The following CEACAM4 variants were observed in gnomAD, a reference collection of about 807,000 sequenced individuals.
The protein encoded by CEACAM4 is CEA cell adhesion molecule 4.
A neutral mutation model predicts 28.7 loss-of-function variants in CEACAM4; 30 were observed. That is an observed-to-expected ratio of 1.05 (90% CI 0.78 to 1.42). The LOEUF is 1.42. Ranked by LOEUF, CEACAM4 falls within the 40% of genes most tolerant of loss-of-function variation. CEACAM4 has a pLI of 0.00. For synonymous variants in CEACAM4, 143 were observed against 126.5 expected (o/e 1.13, Z -0.87); for missense variants, 330 against 308.2 (o/e 1.07, Z -0.53).
intron 2 of CEACAM4, among the ~76,000 whole-genome samples, chr19:41,622,955 G>A (rs1007464062): frequency 4.6e-5 from 7 of 152,084 alleles, no homozygotes; most frequent in Non-Finnish European, 8.8e-5. Flanking sequence ...CACAGCATCC[G>A]TCTGTTCTGC....
At chr19:41,618,786 G>A (rs989419285), downstream of CEACAM4, among the ~76,000 whole-genome samples, 12 of 152,204 alleles carry the variant, frequency 7.9e-5, no homozygotes, top group African/African-American at 2.9e-4. Context: ...CTGGGGTAGT[G>A]TGAGGACAGC....
At chr19:41,620,857 G>A (rs2071238830) in intron 3 of CEACAM4, among the ~76,000 whole-genome samples, 1 of 151,938 alleles carries the variant, frequency 6.6e-6, no homozygotes, top group South Asian at 2.1e-4. Flanking sequence ...GCCGGGTGAG[G>A]AGAACATTGA....
downstream of CEACAM4, among the ~76,000 whole-genome samples, chr19:41,614,987 A>G (rs1555798650): frequency 1.3e-5 from 2 of 150,922 alleles, no homozygotes; most frequent in Admixed American, 1.3e-4. Flanking sequence ...GGGGAAGGGG[A>G]AGGGAAAGTT....
At chr19:41,615,499 A>G (rs1568638226), downstream of CEACAM4, among the ~76,000 whole-genome samples, 2 of 152,074 alleles carry the variant, frequency 1.3e-5, no homozygotes, top group Admixed American at 1.3e-4. Flanking sequence ...TTTTCTTAAA[A>G]TGTACATGGC....
Position 41,627,049 on chromosome 19 carries a change from G to T in CEACAM4, c.-86C>A, listed in dbSNP as rs370913347. 4.1e-6 allele frequency: 5 copies of T among 1,223,896 alleles called. No individual in the cohort carries two copies. Among genetic ancestry groups the T allele is most frequent in the Non-Finnish European group, 4.5e-6 (4 of 880,120 alleles). 75.8% of individuals were successfully genotyped at this position (1,223,896 alleles called of 1,614,324 possible). ...AGAGCTGCTGTGACTGTCGGCTGTC[G>T]GGGCTGCTGACCTTCCTCCTTCTGT... On this transcript the variant is annotated 5_prime_UTR_variant, in exon 1 of 7. Transcript: ENST00000221954.
At chr19:41,616,487 TGATAGATAGATA>T (rs35437530), downstream of CEACAM4, among the ~76,000 whole-genome samples, 48,184 of 146,320 alleles carry the variant, frequency 0.33, 7,980 homozygotes, top group Middle Eastern at 0.36. Context: ...TATAGATAGA[TGATAGATAGATA>T]GATAGATAGA....
At chr19:41,623,048 G>A (rs2071405248) in intron 2 of CEACAM4, among the ~76,000 whole-genome samples, 1 of 152,120 alleles carries the variant, frequency 6.6e-6, no homozygotes, top group Admixed American at 6.6e-5. Flanking sequence ...ATGGAATCTC[G>A]CTCTGTTGCC....
At chr19:41,613,714 G>A in the CEACAM4 span, among the ~76,000 whole-genome samples, 1 of 152,182 alleles carries the variant, frequency 6.6e-6, no homozygotes, top group Non-Finnish European at 1.5e-5. Context: ...GCAGCAGGCA[G>A]GGTGTGGGGT....
downstream of CEACAM4, among the ~76,000 whole-genome samples, chr19:41,616,116 G>T (rs2070979401): frequency 6.6e-6 from 1 of 152,138 alleles, no homozygotes; most frequent in South Asian, 2.1e-4. Context: ...TGCAACTTGT[G>T]TCTCCCAGGT....
At chr19:41,615,566 A>G (rs537960425), downstream of CEACAM4, among the ~76,000 whole-genome samples, 30 of 152,214 alleles carry the variant, frequency 2.0e-4, no homozygotes, top group Non-Finnish European at 3.8e-4. Flanking sequence ...AGAGGGTTGC[A>G]TGGAGCTGAG....
chr19:41,624,957 C>T (rs1250072069), intron 2 of CEACAM4, among the ~76,000 whole-genome samples: 1 of 152,328 alleles, frequency 6.6e-6, no homozygotes, highest in East Asian at 1.9e-4. Context: ...TCTGTTCCTA[C>T]CCCTGGGCCA....
Position 41,619,263 on chromosome 19 carries a change from C to T in CEACAM4, c.*67G>A. 1 of 1,334,800 alleles carries T rather than the reference C, an allele frequency of 7.5e-7. No individual in the cohort carries two copies. The highest frequency in any genetic ancestry group is 1.1e-6 in the Non-Finnish European group (1 of 927,784). 82.7% of individuals were successfully genotyped at this position (1,334,800 alleles called of 1,614,324 possible). On this transcript the variant is annotated 3_prime_UTR_variant, in exon 7 of 7. Transcript: ENST00000221954. ...TCTCTGGCTCAGGCTCCATGTCCTT[C>T]CCCGTCCCCAGGGCTGGGAGCTTCG...
chr19:41,621,883 A>C, intron 2 of CEACAM4, 115 bp from the exon 3 acceptor site: 1 of 692,946 alleles, frequency 1.4e-6, no homozygotes, highest in Non-Finnish European at 2.6e-6. Context: ...CCAGAGCCTG[A>C]GTGTGGTCTG....
At chr19:41,619,524 C>G in intron 6 of CEACAM4, 129 bp from the exon 7 acceptor site, 1 of 1,551,042 alleles carries the variant, frequency 6.4e-7, no homozygotes, top group Non-Finnish European at 8.7e-7. Flanking sequence ...GGTCCCTGTT[C>G]CCAGGCCCCT....
At chr19:41,618,404 T>C (rs1308940774), downstream of CEACAM4, among the ~76,000 whole-genome samples, 1 of 152,142 alleles carries the variant, frequency 6.6e-6, no homozygotes, top group Non-Finnish European at 1.5e-5. Flanking sequence ...TATGCGTCTG[T>C]ATTAATCTTG....
chr19:41,625,514 G>T lies in CEACAM4; in HGVS notation c.424+87C>A. ...CAACACGGGACAAAATGCAGAGGGG[G>T]ATGCAGGCACAGCCCAGGCCTGACA... On this transcript the variant is annotated intron_variant, in intron 2 of 6. Coordinates refer to ENST00000221954, the MANE Select transcript of CEACAM4 (RefSeq NM_001817.4). The T allele has an allele frequency of 4.1e-6, 6 of 1,451,868 alleles. No individual in the cohort carries two copies. In the South Asian group the frequency reaches 6.7e-5, roughly 16 times the overall value. The allele number at this position is 1,451,868 out of a possible 1,614,324, so 89.9% of individuals were successfully genotyped here.
rs76959826 is a variant in CEACAM4 at position 41,620,129 on chromosome 19, C to T, written c.627+82G>A. ...TGGGGAAAGGTGGGTCAGTGCTGTG[C>T]TGTGGGGTTGATGGTCCCCCTGCCC... is the stretch of plus-strand genomic sequence containing the variant. On this transcript the variant is annotated intron_variant, in intron 5 of 6. Transcript: ENST00000221954. 436 of 1,253,498 alleles carry T rather than the reference C, an allele frequency of 3.5e-4. No individual in the cohort carries two copies. The East Asian group carries it at 0.011, about 32-fold the overall frequency. The allele number at this position is 1,253,498 out of a possible 1,614,324, so 77.6% of individuals were successfully genotyped here.
In CEACAM4 at chr19:41,626,889, C is replaced by T. The variant is rs782013548; in HGVS notation, c.64+11G>A. 1.2e-6 allele frequency: 2 copies of T among 1,610,980 alleles called. No individual in the cohort carries two copies. The highest frequency in any genetic ancestry group is 2.2e-5 in the East Asian group (1 of 44,498). ...CCTCTTCCCACCACTCCCAGAGAGT[C>T]CTCCCCTCACCTGTGATCAGGAGCC... On this transcript the variant is annotated intron_variant, in intron 1 of 6. Transcript: ENST00000221954.
intron 5 of CEACAM4, 146 bp downstream of exon 5, chr19:41,620,065 G>T (rs942577088): frequency 5.4e-6 from 4 of 744,474 alleles, no homozygotes; most frequent in Non-Finnish European, 8.3e-6. Flanking sequence ...AGAGAGGCCC[G>T]GATCCTGGCC....
Sources: gnomAD v4.1 joint callset for allele counts (sites outside exome capture counted in the v4.1 genomes callset) on GRCh38, gnomAD v4.1.1 for gene constraint, MANE v1.5 for transcripts, NCBI Gene and HGNC (gene_info 2026-07-23, HGNC 2026-07-21) for gene names.